Variants in THADA observed in about 807,000 individuals in gnomAD.
THADA encodes the protein tRNA (32-2'-O)-methyltransferase regulator THADA.
THADA carries 213 observed loss-of-function variants against 219.8 expected under a neutral mutation model. That is an observed-to-expected ratio of 0.97 (90% confidence interval 0.87 to 1.09). The LOEUF (loss-of-function observed/expected upper bound fraction) is 1.09, where lower values mean the gene tolerates loss of function less well. THADA is among the 50% of genes least tolerant of loss of function. The probability of loss-of-function intolerance (pLI) is 0.00; values close to 1 mark genes in which losing one functional copy is unlikely to be tolerated. For synonymous variants in THADA, 1,018 were observed against 828.9 expected, an observed-to-expected ratio of 1.23 and a Z score of -3.92; for missense variants, 2,956 against 2,311.3, an observed-to-expected ratio of 1.28 and a Z score of -5.72.
intron 22 of THADA, among the ~76,000 whole-genome samples, chr2:43,510,680 A>AT (rs1387389662): frequency 6.6e-6 from 1 of 151,226 alleles, no homozygotes; most frequent in African/African-American, 2.4e-5. Flanking sequence ...AAAAAAAAAA[A>AT]ATTGGGCCGG....
intron 30 of THADA, among the ~76,000 whole-genome samples, chr2:43,338,306 G>A (rs768277183): frequency 7.9e-5 from 12 of 151,902 alleles, no homozygotes; most frequent in Admixed American, 2.0e-4. Flanking sequence ...ACAGGTGTGC[G>A]CAACCACACC....
At chr2:43,307,385 G>A (rs1003697475) in intron 31 of THADA, among the ~76,000 whole-genome samples, 1 of 151,640 alleles carries the variant, frequency 6.6e-6, no homozygotes, top group East Asian at 1.9e-4. Flanking sequence ...GTAGACCAAG[G>A]GACCCTGTGA....
At chr2:43,518,863 G>C (rs568238899) in intron 22 of THADA, among the ~76,000 whole-genome samples, 1 of 152,178 alleles carries the variant, frequency 6.6e-6, no homozygotes, top group South Asian at 2.1e-4. Flanking sequence ...GACATTTACT[G>C]CTAAAATATT....
At chr2:43,459,123 G>C (rs994535266) in intron 26 of THADA, among the ~76,000 whole-genome samples, 5 of 152,158 alleles carry the variant, frequency 3.3e-5, no homozygotes, top group Non-Finnish European at 7.4e-5. Context: ...TGTTATACCT[G>C]TGTTTAAGAT....
At chr2:43,368,833 AT>A (rs1191124881) in intron 29 of THADA, among the ~76,000 whole-genome samples, 1 of 152,140 alleles carries the variant, frequency 6.6e-6, no homozygotes, top group African/African-American at 2.4e-5. Context: ...CCCAACATCT[AT>A]CCAACCTAAC....
chr2:43,394,919 A>G (rs1269921041), intron 29 of THADA, among the ~76,000 whole-genome samples: 2 of 152,238 alleles, frequency 1.3e-5, no homozygotes, highest in Non-Finnish European at 1.5e-5. Context: ...AGCAACAGCC[A>G]CAACAACCCC....
chr2:43,315,355 C>T (rs1677955368), intron 31 of THADA, among the ~76,000 whole-genome samples: 1 of 152,208 alleles, frequency 6.6e-6, no homozygotes, highest in South Asian at 2.1e-4. Flanking sequence ...TCATTCTAGT[C>T]TGTTCCTCCA....
At chr2:43,279,641 G>A in intron 36 of THADA, 124 bp downstream of exon 36, 1 of 1,246,898 alleles carries the variant, frequency 8.0e-7, no homozygotes, top group East Asian at 3.0e-5. Flanking sequence ...CACTAAGATG[G>A]CAGAGTTGAG....
At chr2:43,480,411 G>A (rs1455265925) in intron 26 of THADA, among the ~76,000 whole-genome samples, 1 of 152,208 alleles carries the variant, frequency 6.6e-6, no homozygotes, top group East Asian at 1.9e-4. Context: ...CTAGGGCAGA[G>A]AGTATTTCTG....
At chr2:43,291,990 G>T in intron 33 of THADA, 114 bp downstream of exon 33, 1 of 793,260 alleles carries the variant, frequency 1.3e-6, no homozygotes, top group Non-Finnish European at 2.0e-6. Context: ...CTGAGGTTTA[G>T]AATGAAATAC....
intron 1 of THADA, among the ~76,000 whole-genome samples, chr2:43,594,614 A>C (rs1033911603): frequency 1.5e-5 from 2 of 134,640 alleles, no homozygotes; most frequent in East Asian, 2.0e-4. Flanking sequence ...TAAATAAATA[A>C]ATACTTGAGA....
At chr2:43,406,421 C>A (rs1200685528) in intron 28 of THADA, among the ~76,000 whole-genome samples, 6 of 152,208 alleles carry the variant, frequency 3.9e-5, no homozygotes, top group Non-Finnish European at 7.3e-5. Flanking sequence ...ATGAAAATTA[C>A]ATTTCATTTG....
chr2:43,266,914 G>A (rs1446261818), intron 36 of THADA, among the ~76,000 whole-genome samples: 4 of 152,140 alleles, frequency 2.6e-5, no homozygotes, highest in African/African-American at 7.2e-5. Context: ...CCCCATTCCT[G>A]CTCCCTTCTA....
intron 26 of THADA, among the ~76,000 whole-genome samples, chr2:43,443,344 C>G (rs569976305): frequency 6.6e-6 from 1 of 152,302 alleles, no homozygotes; most frequent in South Asian, 2.1e-4. Context: ...AATGTAGTGG[C>G]ATTCAGAATC....
intron 29 of THADA, among the ~76,000 whole-genome samples, chr2:43,366,280 T>A (rs900662256): frequency 1.3e-5 from 2 of 152,222 alleles, no homozygotes; most frequent in Non-Finnish European, 2.9e-5. Context: ...CAATAAAAAT[T>A]ACTGTCTAAT....
At chr2:43,324,363 T>C (rs1468421559) in intron 30 of THADA, among the ~76,000 whole-genome samples, 1 of 152,166 alleles carries the variant, frequency 6.6e-6, no homozygotes, top group East Asian at 1.9e-4. Flanking sequence ...ACTGTGAGGC[T>C]TGGGGCCAAG....
At chr2:43,269,350 T>A (rs765375916) in intron 36 of THADA, among the ~76,000 whole-genome samples, 2 of 152,200 alleles carry the variant, frequency 1.3e-5, no homozygotes, top group Non-Finnish European at 2.9e-5. Context: ...AGCCTGTTGT[T>A]GTCTCTCTGG....
chr2:43,307,877 C>T (rs568400657), intron 31 of THADA, among the ~76,000 whole-genome samples: 1 of 152,106 alleles, frequency 6.6e-6, no homozygotes, highest in African/African-American at 2.4e-5. Context: ...CCTAAAATGA[C>T]AGCAATAATG....
chr2:43,464,341 G>C (rs1683983711), intron 26 of THADA, among the ~76,000 whole-genome samples: 1 of 151,892 alleles, frequency 6.6e-6, no homozygotes, highest in African/African-American at 2.4e-5. Context: ...TAACAAAAAA[G>C]AAGTAGAAGG....
Sources: allele counts gnomAD v4.1 joint callset (sites outside exome capture counted in the v4.1 genomes callset), GRCh38; gene constraint gnomAD v4.1.1; transcripts MANE v1.5; gene names NCBI Gene and HGNC (gene_info 2026-07-23, HGNC 2026-07-21).